HMBOX1: variants seen among roughly 807,000 people sequenced by gnomAD.
HMBOX1 encodes the protein homeobox-containing protein 1.
Under a neutral mutation model 54.5 loss-of-function variants are expected in HMBOX1, and 14 were observed. That is an observed-to-expected ratio of 0.26 (90% CI 0.17 to 0.40). The LOEUF (loss-of-function observed/expected upper bound fraction) is 0.40, where lower values mean the gene tolerates loss of function less well. Ranked by LOEUF, HMBOX1 falls within the 10% of genes least tolerant of loss-of-function variation. The probability of loss-of-function intolerance (pLI) is 1.00; values close to 1 mark genes in which losing one functional copy is unlikely to be tolerated. For synonymous variants in HMBOX1, 160 were observed against 181.0 expected, an observed-to-expected ratio of 0.88 and a Z score of 0.93; for missense variants, 332 against 514.4, an observed-to-expected ratio of 0.65 and a Z score of 3.43.
In HMBOX1 at chr8:28,970,405, A is replaced by G. The variant is rs1262914699; in HGVS notation, c.386A>G (p.Asn129Ser). Residue 129 changes from asparagine (N) to serine (S), a missense_variant, in exon 3 of 10, where the codon AAT becomes AGT. Physicochemically the swap from Asn to Ser is conservative, Grantham distance 46. Coordinates refer to ENST00000287701, the MANE Select transcript of HMBOX1 (RefSeq NM_001135726.3). The surrounding 1 kb of genome is among the most constrained non-coding windows in gnomAD (Gnocchi z 4.3). ...AATAATGAGCGATTATCTACATCCAATGGAAAGATGTCACCAACTCGCTAC... is the reference window on the plus strand; with the variant it reads ...AATAATGAGCGATTATCTACATCCAGTGGAAAGATGTCACCAACTCGCTAC... The part of the protein sequence containing the change: ...RENNERLSTS[N>S]GKMSPTRYHA... The G allele has an allele frequency of 4.3e-6, 7 of 1,614,022 alleles. No individual in the cohort carries two copies. Among genetic ancestry groups the G allele is most frequent in the Non-Finnish European group, 5.9e-6 (7 of 1,179,988 alleles).
chr8:28,968,346 G>A (rs1005095791), intron 2 of HMBOX1, among the ~76,000 whole-genome samples: 1 of 152,208 alleles, frequency 6.6e-6, no homozygotes, highest in Non-Finnish European at 1.5e-5. Context: ...GAGTAGAATA[G>A]CCTGTGTGCC....
chr8:28,933,424 A>G (rs1370402853), intron 1 of HMBOX1, among the ~76,000 whole-genome samples: 1 of 152,224 alleles, frequency 6.6e-6, no homozygotes, highest in African/African-American at 2.4e-5. Flanking sequence ...TGAGCAAATT[A>G]AACCCAAAGT....
chr8:28,979,238 A>G (rs941395921), intron 3 of HMBOX1, among the ~76,000 whole-genome samples: 4 of 152,202 alleles, frequency 2.6e-5, no homozygotes, highest in African/African-American at 9.6e-5. Flanking sequence ...GAGTTTAACT[A>G]TAATTTTTGT....
chr8:28,945,576 CT>C (rs1822283808), intron 1 of HMBOX1, among the ~76,000 whole-genome samples: 1 of 152,156 alleles, frequency 6.6e-6, no homozygotes, highest in Admixed American at 6.5e-5. Context: ...ATAAAAGAAC[CT>C]GCTAAGGAGG....
chr8:29,052,469 A>G lies in HMBOX1; in HGVS notation c.*1314A>G, dbSNP rs1291805952. 6.6e-6 allele frequency: 1 copy of G among 152,194 alleles called. No homozygotes were observed. Among genetic ancestry groups the G allele is most frequent in the African/African-American group, 2.4e-5 (1 of 41,436 alleles). 9.4% of individuals were successfully genotyped at this position (152,194 alleles called of 1,614,324 possible). The stretch of plus-strand genomic sequence containing the variant: ...TACTTTAAGCGGCAGTAACTAATGG[A>G]ATTTTTTTCCTTGATCACATATGTA... On this transcript the variant is annotated 3_prime_UTR_variant, in exon 10 of 10. Coordinates refer to ENST00000287701, the MANE Select transcript of HMBOX1 (RefSeq NM_001135726.3).
chr8:29,051,081 G>A lies in HMBOX1; in HGVS notation c.1189G>A (p.Val397Ile), dbSNP rs1474912584. The change falls in exon 10 of 10, where the codon GTC becomes ATC. Residue 397 changes from valine to isoleucine, a missense_variant. Around this residue, in one of 4 missense-constraint regions of HMBOX1, gnomAD observed 69 missense variants for 104.6 expected, o/e 0.66. Transcript: ENST00000287701. Reference sequence around the variant, plus strand: ...CTCATTAGCTGTGGAAATGGCAGCAGTCAACCACACTATCTTGGCATTGGC... The same window carrying A: ...CTCATTAGCTGTGGAAATGGCAGCAATCAACCACACTATCTTGGCATTGGC... ...PISLAVEMAAVNHTILALARQ... is the reference protein window; with the variant it reads ...PISLAVEMAAINHTILALARQ... The A allele has an allele frequency of 1.2e-6, 2 of 1,613,522 alleles. No individual in the cohort carries two copies. The highest frequency in any genetic ancestry group is 1.7e-6 in the Non-Finnish European group (2 of 1,179,932).
chr8:29,017,267 C>T (rs1463767647), intron 5 of HMBOX1, among the ~76,000 whole-genome samples: 1 of 152,142 alleles, frequency 6.6e-6, no homozygotes, highest in Non-Finnish European at 1.5e-5. Flanking sequence ...CCTCTGGTTT[C>T]CCCCAGAGCC....
Position 28,955,366 on chromosome 8 carries a change from A to G in HMBOX1, c.-57-8445A>G, listed in dbSNP as rs370304357. On this transcript the variant is annotated intron_variant, in intron 1 of 9. Coordinates refer to ENST00000287701, the MANE Select transcript of HMBOX1 (RefSeq NM_001135726.3). ...TGTTGCCCACCTATTCTTTTCTTCTATGCTCTTGTACATAGAGATGTGCAT... is the reference window on the plus strand; with the variant it reads ...TGTTGCCCACCTATTCTTTTCTTCTGTGCTCTTGTACATAGAGATGTGCAT... Among the ~76,000 whole-genome samples, 8 of 152,082 alleles carry G rather than the reference A, an allele frequency of 5.3e-5. No individual in the cohort carries two copies. The South Asian group carries it at 1.2e-3, about 24-fold the overall frequency.
chr8:28,972,294 C>T (rs1174275224), intron 3 of HMBOX1, among the ~76,000 whole-genome samples: 1 of 152,118 alleles, frequency 6.6e-6, no homozygotes, highest in Non-Finnish European at 1.5e-5. Flanking sequence ...CTCACTGCAA[C>T]CTCCGCCTCC....
intron 1 of HMBOX1, among the ~76,000 whole-genome samples, chr8:28,926,284 T>G (rs910705221): frequency 4.6e-5 from 6 of 129,144 alleles, no homozygotes; most frequent in African/African-American, 9.0e-5. Flanking sequence ...TCATGGCAGA[T>G]ATATATATAT....
chr8:29,048,452 A>T (rs2133386395), intron 8 of HMBOX1: 1 of 152,400 alleles, frequency 6.6e-6, no homozygotes, highest in South Asian at 2.1e-4. Context: ...AATAAGAATA[A>T]GAAATTTAAG....
At chr8:28,916,494 G>A (rs1340368875) in intron 1 of HMBOX1, among the ~76,000 whole-genome samples, 1 of 152,144 alleles carries the variant, frequency 6.6e-6, no homozygotes, top group Non-Finnish European at 1.5e-5. Flanking sequence ...TAGAAGATTT[G>A]AGGTATGGGC....
chr8:28,957,402 C>T (rs1824659868), intron 1 of HMBOX1, among the ~76,000 whole-genome samples: 1 of 152,022 alleles, frequency 6.6e-6, no homozygotes, highest in African/African-American at 2.4e-5. Flanking sequence ...ACTGGAGACT[C>T]CAGGAGTGGG....
chr8:29,002,424 G>A (rs747924268), intron 4 of HMBOX1, among the ~76,000 whole-genome samples: 208 of 152,306 alleles, frequency 1.4e-3, no homozygotes, highest in Middle Eastern at 3.4e-3. Context: ...GTTGCACAGA[G>A]CAACCCTGAT....
chr8:29,047,564 CTTTTT>C (rs33978272), intron 8 of HMBOX1, 111 bp downstream of exon 8: 497 of 307,554 alleles, frequency 1.6e-3, no homozygotes, highest in South Asian at 2.0e-3. Context: ...CCTAACTTCT[CTTTTT>C]TTTTTTTTTT....
At chr8:28,987,035 C>T (rs888799274) in intron 4 of HMBOX1, among the ~76,000 whole-genome samples, 1 of 152,120 alleles carries the variant, frequency 6.6e-6, no homozygotes, top group Non-Finnish European at 1.5e-5. Context: ...GGGCTTCAGT[C>T]ATCTCAAATG....
At chr8:29,007,340 C>T (rs1190067092) in intron 4 of HMBOX1, among the ~76,000 whole-genome samples, 1 of 151,988 alleles carries the variant, frequency 6.6e-6, no homozygotes, top group Non-Finnish European at 1.5e-5. Flanking sequence ...ACCATAATGT[C>T]TGAAACTAGA....
At chr8:28,905,107 T>C (rs1283753677) in intron 1 of HMBOX1, among the ~76,000 whole-genome samples, 2 of 152,210 alleles carry the variant, frequency 1.3e-5, no homozygotes, top group Non-Finnish European at 2.9e-5. Flanking sequence ...TGAAACAGCC[T>C]AATAAGCATC....
chr8:28,971,566 G>A (rs1406090277), intron 3 of HMBOX1, among the ~76,000 whole-genome samples: 1 of 152,102 alleles, frequency 6.6e-6, no homozygotes, highest in Non-Finnish European at 1.5e-5. Flanking sequence ...GACCTAAATG[G>A]TAAAGAATAG....
Sources: allele counts gnomAD v4.1 joint callset (sites outside exome capture counted in the v4.1 genomes callset), GRCh38; gene constraint gnomAD v4.1.1; regional missense constraint gnomAD v4.1.1; non-coding constraint Gnocchi (gnomAD v3.1); transcripts MANE v1.5; gene names NCBI Gene and HGNC (gene_info 2026-07-23, HGNC 2026-07-21).